Variants in CCDC158 observed in about 807,000 individuals in gnomAD.
The protein encoded by CCDC158 is coiled-coil domain containing 158, also known as coiled-coil domain-containing protein 158.
In CCDC158, 116 loss-of-function variants were observed where a neutral mutation model predicts 138.6. The ratio of observed to expected loss-of-function variants is 0.84; its 90% CI spans 0.72 to 0.98. The LOEUF is 0.98. Ranked by LOEUF, CCDC158 falls within the 50% of genes least tolerant of loss-of-function variation. CCDC158 has a pLI of 0.00. For missense variants in CCDC158, 1,265 were observed against 1,306.1 expected, an observed-to-expected ratio of 0.97 and a Z score of 0.48; for synonymous variants, 436 against 442.4, an observed-to-expected ratio of 0.99 and a Z score of 0.18.
intron 18 of CCDC158, among the ~76,000 whole-genome samples, chr4:76,348,709 G>A (rs1170712777): frequency 6.6e-6 from 1 of 152,120 alleles, no homozygotes; most frequent in Non-Finnish European, 1.5e-5. Flanking sequence ...GAACTTAATT[G>A]ATGGGTTTAA....
intron 24 of CCDC158, among the ~76,000 whole-genome samples, chr4:76,321,354 C>T (rs1405574821): frequency 6.6e-6 from 1 of 152,000 alleles, no homozygotes. Context: ...GAAAGCAGTA[C>T]AGAGATTTCT....
chr4:76,418,678 G>A (rs1729880278), intron 1 of CCDC158, among the ~76,000 whole-genome samples: 1 of 152,138 alleles, frequency 6.6e-6, no homozygotes, highest in African/African-American at 2.4e-5. Context: ...GATCTTGTGA[G>A]GCTTATTCAC....
At chr4:76,364,056 C>T (rs1021076345) in intron 12 of CCDC158, among the ~76,000 whole-genome samples, 6 of 152,126 alleles carry the variant, frequency 3.9e-5, no homozygotes, top group Non-Finnish European at 5.9e-5. Context: ...CAGAAACCCC[C>T]AGCATGGCAT....
intron 9 of CCDC158, among the ~76,000 whole-genome samples, 158 bp downstream of exon 9, chr4:76,379,132 A>T (rs1725985625): frequency 6.6e-6 from 1 of 152,260 alleles, no homozygotes; most frequent in Non-Finnish European, 1.5e-5. Context: ...GTTTATAAAT[A>T]GTTTAAAATA....
chr4:76,343,556 T>C (rs558673817), intron 18 of CCDC158, among the ~76,000 whole-genome samples: 1 of 152,304 alleles, frequency 6.6e-6, no homozygotes, highest in African/African-American at 2.4e-5. Context: ...GGCTCAAGCT[T>C]GTAATCCAAA....
intron 4 of CCDC158, among the ~76,000 whole-genome samples, chr4:76,394,963 TG>T (rs1034537988): frequency 2.0e-5 from 3 of 152,052 alleles, no homozygotes; most frequent in African/African-American, 7.2e-5. Context: ...CTATATGATA[TG>T]TTTTTTTCTA....
chr4:76,367,910 A>G, intron 11 of CCDC158, 134 bp from the exon 12 acceptor site: 1 of 737,848 alleles, frequency 1.4e-6, no homozygotes, highest in Admixed American at 3.3e-5. Context: ...TTTTTTTTTT[A>G]AGAGATGGGG....
intron 24 of CCDC158, among the ~76,000 whole-genome samples, chr4:76,318,160 A>G (rs1446524637): frequency 6.6e-6 from 1 of 152,200 alleles, no homozygotes; most frequent in African/African-American, 2.4e-5. Flanking sequence ...AACAAAGATC[A>G]GAACAGAATT....
chr4:76,411,883 G>GA (rs1412504956), intron 2 of CCDC158, among the ~76,000 whole-genome samples: 3 of 152,152 alleles, frequency 2.0e-5, no homozygotes, highest in African/African-American at 7.2e-5. Context: ...GGGCCCCACT[G>GA]AACATAGTCT....
intron 18 of CCDC158, among the ~76,000 whole-genome samples, chr4:76,343,137 T>C (rs1722216682): frequency 6.6e-6 from 1 of 152,176 alleles, no homozygotes; most frequent in Non-Finnish European, 1.5e-5. Context: ...TGAGACTGCA[T>C]AGATATATGT....
chr4:76,417,933 C>T (rs1237121666), intron 1 of CCDC158, among the ~76,000 whole-genome samples: 1 of 152,162 alleles, frequency 6.6e-6, no homozygotes, highest in Non-Finnish European at 1.5e-5. Context: ...GATGAGAGGG[C>T]TTCTAATGGA....
chr4:76,350,089 T>A (rs139296651), intron 18 of CCDC158, among the ~76,000 whole-genome samples: 1,713 of 152,322 alleles, frequency 0.011, 28 homozygotes, highest in African/African-American at 0.039. Context: ...AAAAATAAAA[T>A]GATTTCATAA....
intron 4 of CCDC158, among the ~76,000 whole-genome samples, 158 bp downstream of exon 4, chr4:76,396,111 G>A (rs1017533735): frequency 6.6e-6 from 1 of 151,988 alleles, no homozygotes; most frequent in Non-Finnish European, 1.5e-5. Flanking sequence ...TTTTAATACC[G>A]AAAATAGAAG....
At chr4:76,387,793 A>T (rs987400395) in intron 4 of CCDC158, among the ~76,000 whole-genome samples, 4 of 149,246 alleles carry the variant, frequency 2.7e-5, no homozygotes, top group African/African-American at 7.4e-5. Context: ...ACTGCACTCC[A>T]GCCTGGGCGA....
At chr4:76,387,598 G>A (rs905717212) in intron 4 of CCDC158, among the ~76,000 whole-genome samples, 17 of 151,960 alleles carry the variant, frequency 1.1e-4, no homozygotes, top group African/African-American at 4.1e-4. Context: ...GCTGAAGTGG[G>A]CGGATCATGA....
At chr4:76,412,485 G>A (rs1251992747) in intron 1 of CCDC158, among the ~76,000 whole-genome samples, 2 of 152,194 alleles carry the variant, frequency 1.3e-5, no homozygotes, top group African/African-American at 4.8e-5. Context: ...TAGTGGCCGG[G>A]CATGGTGGCT....
At chr4:76,337,654 C>G (rs146700969) in intron 18 of CCDC158, among the ~76,000 whole-genome samples, 147 of 152,050 alleles carry the variant, frequency 9.7e-4, no homozygotes, top group African/African-American at 3.4e-3. Context: ...ATCGCTTGAA[C>G]CCAGGAGGCA....
intron 24 of CCDC158, among the ~76,000 whole-genome samples, chr4:76,320,687 G>T (rs1719914034): frequency 1.3e-5 from 2 of 152,138 alleles, no homozygotes; most frequent in Admixed American, 1.3e-4. Context: ...ACATAAAGTG[G>T]GGAAAGGACA....
chr4:76,421,681 C>A (rs932778016), upstream of CCDC158: 16 of 151,534 alleles, frequency 1.1e-4, no homozygotes, highest in Non-Finnish European at 1.9e-4. Context: ...CACCTCACCC[C>A]CCCCTCCCAT....
Sources: allele counts gnomAD v4.1 joint callset (sites outside exome capture counted in the v4.1 genomes callset), GRCh38; gene constraint gnomAD v4.1.1; transcripts MANE v1.5; gene names NCBI Gene and HGNC (gene_info 2026-07-23, HGNC 2026-07-21).